Variants in PCDHGA2 observed in about 807,000 individuals in gnomAD.
PCDHGA2 encodes the protein protocadherin gamma subfamily A, 2.
PCDHGA2 carries 40 observed loss-of-function variants against 59.2 expected under a neutral mutation model. That is an observed-to-expected ratio of 0.68 (90% CI 0.52 to 0.88). The LOEUF (loss-of-function observed/expected upper bound fraction) is 0.88, where lower values mean the gene tolerates loss of function less well. Ranked by LOEUF, PCDHGA2 falls within the 40% of genes least tolerant of loss-of-function variation. PCDHGA2 has a pLI of 0.00. For synonymous variants in PCDHGA2, 560 were observed against 526.0 expected (o/e 1.06, Z -0.89); for missense variants, 1,226 against 1,204.0 (o/e 1.02, Z -0.27).
intron 1 of PCDHGA2, chr5:141,355,245 G>A: frequency 6.2e-7 from 1 of 1,613,186 alleles, no homozygotes; most frequent in Non-Finnish European, 8.5e-7. Context: ...GGCTGCTCCA[G>A]ATCTGCCTTC....
Position 141,487,252 on chromosome 5 carries a change from G to T in PCDHGA2, c.2425-7555G>T. ...GAGAATCTCGTCTAACCCTCTACTT[G>T]GCTGTGTCCCTAGTGGCAATTTGCT... On this transcript the variant is annotated intron_variant, in intron 1 of 3. Transcript: ENST00000394576. The surrounding 1 kb of genome is among the most constrained non-coding windows in gnomAD (Gnocchi z 5.0). 1 of 1,614,110 alleles carries T rather than the reference G, an allele frequency of 6.2e-7. No homozygotes were observed. The highest frequency in any genetic ancestry group is 8.5e-7 in the Non-Finnish European group (1 of 1,180,014).
At chr5:141,375,427 C>T in intron 1 of PCDHGA2, 2 of 1,613,978 alleles carry the variant, frequency 1.2e-6, no homozygotes, top group Non-Finnish European at 1.7e-6. Flanking sequence ...CCAACGACAA[C>T]CCGCCCACCT....
intron 1 of PCDHGA2, chr5:141,399,663 G>A: frequency 6.2e-7 from 1 of 1,613,624 alleles, no homozygotes; most frequent in Non-Finnish European, 8.5e-7. Flanking sequence ...TGGTGTTCGC[G>A]CAGCGCGCCT....
At chr5:141,469,743 A>G (rs1166798506) in intron 1 of PCDHGA2, among the ~76,000 whole-genome samples, 1 of 152,252 alleles carries the variant, frequency 6.6e-6, no homozygotes, top group Non-Finnish European at 1.5e-5. Context: ...CACCTCAAAA[A>G]TTACAAAAAT....
intron 1 of PCDHGA2, chr5:141,391,466 C>T (rs375470029): frequency 2.6e-5 from 4 of 152,276 alleles, no homozygotes; most frequent in East Asian, 3.9e-4. Context: ...CTCATGCCAC[C>T]AGACCTGGCT....
intron 1 of PCDHGA2, chr5:141,383,482 G>T (rs908975143): frequency 6.2e-7 from 1 of 1,613,500 alleles, no homozygotes; most frequent in Non-Finnish European, 8.5e-7. Context: ...CCCGGAACTG[G>T]TGCTGGAGCG....
intron 1 of PCDHGA2, among the ~76,000 whole-genome samples, chr5:141,353,321 C>T (rs941282314): frequency 6.6e-6 from 1 of 152,020 alleles, no homozygotes; most frequent in Non-Finnish European, 1.5e-5. Context: ...AGAGTTCTTC[C>T]CACCCAAGTT....
At position 141,431,578 on chromosome 5, in the gene PCDHGA2, C is replaced by T. The variant is rs756332070; in HGVS notation, c.2425-63229C>T. 6.2e-7 allele frequency: 1 copy of T among 1,614,164 alleles called. No homozygotes were observed. On this transcript the variant is annotated intron_variant, in intron 1 of 3. Coordinates refer to ENST00000394576, the MANE Select transcript of PCDHGA2 (RefSeq NM_018915.4). This position sits in a 1 kb window ranked among gnomAD's most constrained non-coding sequence, Gnocchi z 4.8. ...ACGCTACCGACCCTGACGAAGGAGT[C>T]AATGCGGAAGTGAGGTATTCCTTCC...
chr5:141,464,180 G>T (rs1251683320), intron 1 of PCDHGA2, among the ~76,000 whole-genome samples: 1 of 151,340 alleles, frequency 6.6e-6, no homozygotes, highest in Non-Finnish European at 1.5e-5. Flanking sequence ...CAGGAGAATT[G>T]CTTGATTTCA....
At chr5:141,469,306 A>G in intron 1 of PCDHGA2, among the ~76,000 whole-genome samples, 1 of 150,500 alleles carries the variant, frequency 6.6e-6, no homozygotes, top group South Asian at 2.1e-4. Flanking sequence ...ACTGGGCACG[A>G]TGGCTCACGC....
intron 1 of PCDHGA2, chr5:141,390,878 G>A (rs2092258677): frequency 6.5e-6 from 1 of 153,282 alleles, no homozygotes; most frequent in Non-Finnish European, 1.5e-5. Flanking sequence ...GTGTGTGTGT[G>A]TGTGTGTGTG....
chr5:141,447,533 G>T (rs2098541881), intron 1 of PCDHGA2, among the ~76,000 whole-genome samples: 1 of 152,120 alleles, frequency 6.6e-6, no homozygotes, highest in South Asian at 2.1e-4. Flanking sequence ...CAAAATTGTT[G>T]GGTTTTAATG....
intron 1 of PCDHGA2, chr5:141,375,160 T>C (rs373409677): frequency 1.2e-6 from 2 of 1,613,972 alleles, no homozygotes; most frequent in Non-Finnish European, 1.7e-6. Flanking sequence ...TTGCTGAAAG[T>C]GCACCTCCAG....
At chr5:141,353,277 G>A (rs1759234341) in intron 1 of PCDHGA2, among the ~76,000 whole-genome samples, 1 of 152,218 alleles carries the variant, frequency 6.6e-6, no homozygotes, top group South Asian at 2.1e-4. Context: ...ATATTTTCAA[G>A]TCATTTTATT....
intron 1 of PCDHGA2, among the ~76,000 whole-genome samples, chr5:141,379,851 T>G (rs1388767497): frequency 6.7e-6 from 1 of 148,750 alleles, no homozygotes; most frequent in Non-Finnish European, 1.5e-5. Context: ...AACTACCAAA[T>G]TATTGTCTTA....
Position 141,345,490 on chromosome 5 carries a change from G to A in PCDHGA2, c.2424+4095G>A, listed in dbSNP as rs566166959. ...GACCCAGATAGCAACAACAACGCCC[G>A]CATCACTTATGCATTGACCGAGGAC... On this transcript the variant is annotated intron_variant, in intron 1 of 3. Coordinates refer to ENST00000394576, the MANE Select transcript of PCDHGA2 (RefSeq NM_018915.4). The A allele has an allele frequency of 7.4e-5, 119 of 1,614,020 alleles. 3 individuals carry two copies. In the South Asian group the frequency reaches 1.2e-3, roughly 16 times the overall value.
chr5:141,428,367 G>C, intron 1 of PCDHGA2: 1 of 546,792 alleles, frequency 1.8e-6, no homozygotes, highest in South Asian at 1.9e-5. Context: ...CGGTCGCCTT[G>C]CACCTGCGAT....
At chr5:141,436,324 G>A (rs972756085) in intron 1 of PCDHGA2, among the ~76,000 whole-genome samples, 10 of 152,134 alleles carry the variant, frequency 6.6e-5, no homozygotes, top group African/African-American at 2.4e-4. Flanking sequence ...AAGACTGTTA[G>A]ACCATATCTC....
At chr5:141,465,284 A>C (rs2099100147) in intron 1 of PCDHGA2, among the ~76,000 whole-genome samples, 1 of 152,176 alleles carries the variant, frequency 6.6e-6, no homozygotes, top group African/African-American at 2.4e-5. Flanking sequence ...TTCACCCCTA[A>C]AGAACTGAGA....
Sources: gnomAD v4.1 joint callset for allele counts (sites outside exome capture counted in the v4.1 genomes callset) on GRCh38, gnomAD v4.1.1 for gene constraint, Gnocchi (gnomAD v3.1) non-coding constraint, MANE v1.5 for transcripts, NCBI Gene and HGNC (gene_info 2026-07-23, HGNC 2026-07-21) for gene names.